The following LUZP2 variants were observed in gnomAD, a reference collection of about 807,000 sequenced individuals.
LUZP2 encodes leucine zipper protein 2.
LUZP2 carries 52 observed loss-of-function variants against 51.6 expected under a neutral mutation model. The ratio of observed to expected loss-of-function variants is 1.01; its 90% CI spans 0.81 to 1.27. The LOEUF (loss-of-function observed/expected upper bound fraction) is 1.27, where lower values mean the gene tolerates loss of function less well. LUZP2 is among the 50% of genes most tolerant of loss of function. LUZP2 has a pLI of 0.00. For synonymous variants in LUZP2, 154 were observed against 137.3 expected, an observed-to-expected ratio of 1.12 and a Z score of -0.85; for missense variants, 436 against 395.4, an observed-to-expected ratio of 1.10 and a Z score of -0.87.
chr11:25,008,038 G>T (rs1856881197), intron 9 of LUZP2, among the ~76,000 whole-genome samples: 1 of 152,192 alleles, frequency 6.6e-6, no homozygotes, highest in Non-Finnish European at 1.5e-5. Flanking sequence ...AAATAGAAAT[G>T]ACACAGGATC....
chr11:24,748,198 C>T (rs537615531), intron 4 of LUZP2, among the ~76,000 whole-genome samples: 16 of 152,218 alleles, frequency 1.1e-4, no homozygotes, highest in South Asian at 8.3e-4. Context: ...TGCTTGGGGA[C>T]GCAGTGAGCT....
chr11:24,798,329 T>C (rs573790726), intron 5 of LUZP2, among the ~76,000 whole-genome samples: 1 of 152,030 alleles, frequency 6.6e-6, no homozygotes. Flanking sequence ...TCCCAAGTAG[T>C]TGGGACTAAA....
intron 7 of LUZP2, among the ~76,000 whole-genome samples, chr11:24,950,989 T>G (rs1855062341): frequency 1.3e-5 from 2 of 151,610 alleles, no homozygotes; most frequent in Admixed American, 6.6e-5. Context: ...CCAATTTGTC[T>G]TTCAACATTT....
intron 7 of LUZP2, among the ~76,000 whole-genome samples, chr11:24,915,656 T>C (rs74895612): frequency 0.011 from 1,018 of 93,230 alleles, 8 homozygotes; most frequent in African/African-American, 0.039. Flanking sequence ...GATAGACAGA[T>C]AGATAGATAG....
chr11:24,572,362 A>G (rs772507638), intron 1 of LUZP2, among the ~76,000 whole-genome samples: 1 of 152,060 alleles, frequency 6.6e-6, no homozygotes, highest in African/African-American at 2.4e-5. Context: ...TGATAGTAAT[A>G]CAGGTCTCAA....
intron 1 of LUZP2, among the ~76,000 whole-genome samples, chr11:24,570,389 T>C (rs537692790): frequency 1.1e-4 from 17 of 152,110 alleles, no homozygotes; most frequent in Non-Finnish European, 2.5e-4. Context: ...ACATGTAGTG[T>C]TTACTGTATT....
Position 24,602,094 on chromosome 11 carries a change from A to ATATATGTG in LUZP2, c.62+104803_62+104810dup, listed in dbSNP as rs1330545329. ...TATGCGTATATATGTGTATATATGT[A>ATATATGTG]TATATGTGTATATGTGTATATATGT... On this transcript the variant is annotated intron_variant, in intron 1 of 11. Transcript: ENST00000336930. Among the ~76,000 whole-genome samples, 38 of 127,590 alleles carry ATATATGTG rather than the reference A, an allele frequency of 3.0e-4. 1 individual carries two copies. The highest frequency in any genetic ancestry group is 6.0e-4 in the Non-Finnish European group (37 of 61,656). The allele number at this position is 127,590 out of a possible 152,430, so 83.7% of individuals were successfully genotyped here. A position where few individuals can be genotyped will look rare whatever the true frequency, so the allele number is the denominator to read the frequency against.
At chr11:24,884,848 T>A (rs1252480965) in intron 5 of LUZP2, among the ~76,000 whole-genome samples, 1 of 152,062 alleles carries the variant, frequency 6.6e-6, no homozygotes, top group Non-Finnish European at 1.5e-5. Flanking sequence ...ATGGGTTGTT[T>A]TTGCCCCATT....
At chr11:24,800,972 T>G (rs1008656301) in intron 5 of LUZP2, among the ~76,000 whole-genome samples, 5 of 152,146 alleles carry the variant, frequency 3.3e-5, no homozygotes, top group Non-Finnish European at 7.4e-5. Context: ...GTAGCAAAAA[T>G]TCCGAGTAGA....
chr11:24,509,551 T>C (rs1272021953), intron 1 of LUZP2, among the ~76,000 whole-genome samples: 1 of 149,074 alleles, frequency 6.7e-6, no homozygotes, highest in Non-Finnish European at 1.5e-5. Context: ...ATATGCATAT[T>C]TTAATAAATA....
intron 1 of LUZP2, among the ~76,000 whole-genome samples, chr11:24,521,840 C>A (rs1000607435): frequency 1.5e-4 from 23 of 152,126 alleles, no homozygotes; most frequent in South Asian, 4.2e-4. Flanking sequence ...GTTAAGACTT[C>A]TAAGTCATAA....
intron 5 of LUZP2, among the ~76,000 whole-genome samples, chr11:24,844,439 T>C (rs1416759578): frequency 6.6e-6 from 1 of 152,142 alleles, no homozygotes; most frequent in Non-Finnish European, 1.5e-5. Flanking sequence ...ATCAGTTTCA[T>C]AAAGTAAGCA....
At position 25,068,431 on chromosome 11, in the gene LUZP2, A is replaced by G. The variant is rs189452764; in HGVS notation, c.859-8898A>G. 4.9e-3 allele frequency among the ~76,000 whole-genome samples: 748 copies of G among 152,146 alleles called. 7 individuals carry two copies. Among genetic ancestry groups the G allele is most frequent in the African/African-American group, 0.017 (721 of 41,536 alleles). ...TCTAACTCCAAATATTTGAGTATTA[A>G]AACCTAACTTCTAACAAATGTTGCC... On this transcript the variant is annotated intron_variant, in intron 10 of 11. Transcript: ENST00000336930.
intron 9 of LUZP2, among the ~76,000 whole-genome samples, chr11:25,022,280 G>A (rs934149351): frequency 1.3e-5 from 2 of 151,938 alleles, no homozygotes; most frequent in African/African-American, 4.8e-5. Flanking sequence ...TCTTTTACAT[G>A]TAGTTCATCC....
intron 5 of LUZP2, among the ~76,000 whole-genome samples, chr11:24,788,938 C>A (rs892838052): frequency 2.6e-5 from 4 of 152,148 alleles, no homozygotes; most frequent in East Asian, 1.9e-4. Context: ...CAAATCTCAT[C>A]AAAAAATGCC....
At chr11:24,498,023 T>G (rs1849881460) in intron 1 of LUZP2, among the ~76,000 whole-genome samples, 1 of 152,178 alleles carries the variant, frequency 6.6e-6, no homozygotes, top group Non-Finnish European at 1.5e-5. Context: ...AGGAGCTATT[T>G]TTGGTGGAGA....
chr11:24,941,047 T>G (rs1854732992), intron 7 of LUZP2, among the ~76,000 whole-genome samples: 2 of 152,170 alleles, frequency 1.3e-5, no homozygotes, highest in African/African-American at 4.8e-5. Flanking sequence ...GAAATAGGAT[T>G]GAGATTTACT....
At chr11:25,007,914 C>A (rs751876286) in intron 9 of LUZP2, among the ~76,000 whole-genome samples, 1 of 152,142 alleles carries the variant, frequency 6.6e-6, no homozygotes, top group Non-Finnish European at 1.5e-5. Context: ...TATGTTGTAA[C>A]TAATATGCCC....
chr11:25,077,224 GAT>G, intron 10 of LUZP2, 103 bp from the exon 11 acceptor site: 1 of 862,134 alleles, frequency 1.2e-6, no homozygotes, highest in South Asian at 1.3e-5. Context: ...GGATCAAAGT[GAT>G]AGAATCTTCT....
Sources: allele counts gnomAD v4.1 joint callset (sites outside exome capture counted in the v4.1 genomes callset), GRCh38; gene constraint gnomAD v4.1.1; transcripts MANE v1.5; gene names NCBI Gene and HGNC (gene_info 2026-07-23, HGNC 2026-07-21).